The following NDUFS1 variants were observed in gnomAD, a reference collection of about 807,000 sequenced individuals.
NDUFS1 encodes NADH:ubiquinone oxidoreductase core subunit S1, also known as NADH-ubiquinone oxidoreductase 75 kDa subunit, mitochondrial.
A neutral mutation model predicts 84.4 loss-of-function variants in NDUFS1; 61 were observed. The ratio of observed to expected loss-of-function variants is 0.72; its 90% CI spans 0.59 to 0.89. The LOEUF (loss-of-function observed/expected upper bound fraction) is 0.89, where lower values mean the gene tolerates loss of function less well. Among genes scored for constraint, NDUFS1 ranks in the 40% least tolerant of loss-of-function variants. NDUFS1 has a pLI of 0.00. For missense variants in NDUFS1, 891 were observed against 890.0 expected, an observed-to-expected ratio of 1.00 and a Z score of -0.01; for synonymous variants, 275 against 290.0, an observed-to-expected ratio of 0.95 and a Z score of 0.53.
intron 10 of NDUFS1, 57 bp downstream of exon 10, chr2:206,143,961 A>T: frequency 7.1e-7 from 1 of 1,407,678 alleles, no homozygotes; most frequent in Non-Finnish European, 1.0e-6. Context: ...CCTTCATGGC[A>T]AAGATGTTTC....
chr2:206,143,611 T>TCGC (rs1692047358), intron 10 of NDUFS1, among the ~76,000 whole-genome samples: 1 of 151,754 alleles, frequency 6.6e-6, no homozygotes, highest in Non-Finnish European at 1.5e-5. Context: ...AGATGGAGTC[T>TCGC]CGCTGTGTCA....
At chr2:206,141,519 G>A (rs971328331) in intron 12 of NDUFS1, among the ~76,000 whole-genome samples, 45 of 150,728 alleles carry the variant, frequency 3.0e-4, no homozygotes, top group Middle Eastern at 3.4e-3. Flanking sequence ...GCGACAAAGC[G>A]AGACTCTGTC....
chr2:206,137,345 G>A (rs1342017017), intron 13 of NDUFS1, among the ~76,000 whole-genome samples: 2 of 152,036 alleles, frequency 1.3e-5, no homozygotes, highest in Admixed American at 6.6e-5. Flanking sequence ...GTGGTGGTGC[G>A]TGCCTGTAGT....
At chr2:206,156,716 T>C (rs1687669540) in intron 1 of NDUFS1, among the ~76,000 whole-genome samples, 1 of 152,248 alleles carries the variant, frequency 6.6e-6, no homozygotes, top group Admixed American at 6.5e-5. Context: ...ATACTTATCA[T>C]AGATGATGTA....
intron 14 of NDUFS1, among the ~76,000 whole-genome samples, chr2:206,130,843 T>C (rs931335792): frequency 2.0e-5 from 3 of 152,164 alleles, no homozygotes; most frequent in African/African-American, 4.8e-5. Flanking sequence ...CTGATTCTTA[T>C]TCAATAAAGT....
intron 1 of NDUFS1, among the ~76,000 whole-genome samples, chr2:206,156,221 C>T (rs1288812511): frequency 6.7e-6 from 1 of 149,154 alleles, no homozygotes; most frequent in African/African-American, 2.5e-5. Context: ...CAAGATCACG[C>T]CACTGCACTC....
intron 8 of NDUFS1, among the ~76,000 whole-genome samples, chr2:206,146,308 T>A (rs1437306663): frequency 1.3e-5 from 2 of 152,088 alleles, no homozygotes; most frequent in East Asian, 3.8e-4. Flanking sequence ...CAAGTAGAGA[T>A]TCTCAGTAAG....
At position 206,145,045 on chromosome 2, in the gene NDUFS1, G is replaced by A; in HGVS notation, c.738-19C>T. 6.3e-7 allele frequency: 1 copy of A among 1,591,656 alleles called. No homozygotes were observed. Among genetic ancestry groups the A allele is most frequent in the Non-Finnish European group, 8.6e-7 (1 of 1,168,248 alleles). On this transcript the variant is annotated intron_variant, in intron 8 of 18. Coordinates refer to ENST00000233190, the MANE Select transcript of NDUFS1 (RefSeq NM_005006.7). ...TGTCTTTCTGAGAAACACATACGGT[G>A]TTTACTATGGTGCTTTTGGGAATAA... is the stretch of plus-strand genomic sequence containing the variant.
At chr2:206,135,194 T>G (rs1691662394) in intron 13 of NDUFS1, among the ~76,000 whole-genome samples, 1 of 151,880 alleles carries the variant, frequency 6.6e-6, no homozygotes, top group Non-Finnish European at 1.5e-5. Context: ...AATTGGGGTT[T>G]TTTTGTATTT....
chr2:206,133,573 C>T (rs905463161), intron 13 of NDUFS1, among the ~76,000 whole-genome samples: 4 of 152,190 alleles, frequency 2.6e-5, no homozygotes, highest in Non-Finnish European at 5.9e-5. Flanking sequence ...TAAATACCTA[C>T]AATTTTAAGG....
intron 13 of NDUFS1, among the ~76,000 whole-genome samples, chr2:206,136,219 ATTT>A (rs79486494): frequency 7.2e-6 from 1 of 139,010 alleles, no homozygotes. Flanking sequence ...TAATTTTTGT[ATTT>A]TTTTTTTTTT....
rs746500004 is a variant in NDUFS1 at position 206,152,439 on chromosome 2, G to C, written c.133C>G (p.Pro45Ala). 1.9e-6 allele frequency: 3 copies of C among 1,614,064 alleles called. No individual in the cohort carries two copies. In the South Asian group the frequency reaches 3.3e-5, roughly 18 times the overall value. ...CCTACTTGGAGGACGGTCGTTCCCG[G>C]TTCCACCATGACAGACTGACCATCA... ...FVDGQSVMVEPGTTVLQACEK... is the reference protein window; with the variant it reads ...FVDGQSVMVEAGTTVLQACEK... The change falls in exon 3 of 19, where the codon CCG becomes GCG. Residue 45 changes from proline to alanine, a missense_variant. Coordinates refer to ENST00000233190, the MANE Select transcript of NDUFS1 (RefSeq NM_005006.7).
Position 206,127,824 on chromosome 2 carries a change from G to C in NDUFS1, c.1857C>G (p.Asp619Glu), listed in dbSNP as rs1691351176. 6.2e-7 allele frequency: 1 copy of C among 1,613,936 alleles called. No homozygotes were observed. The highest frequency in any genetic ancestry group is 1.3e-5 in the African/African-American group (1 of 74,904). The change falls in exon 16 of 19, where the codon GAC (aspartate) becomes GAG (glutamate). Residue 619 changes from aspartate (D) to glutamate (E), a missense_variant. Coordinates refer to ENST00000233190, the MANE Select transcript of NDUFS1 (RefSeq NM_005006.7). ...CAGAGAGTGCTCTTATAATTTTCCA[G>C]TCTTCTCTTGCCAAGCCAGGAGGTG... ...AVTPPGLARE[D>E]WKIIRALSEI... is the part of the protein sequence containing the mutation.
At chr2:206,138,688 T>C in intron 12 of NDUFS1, 74 bp from the exon 13 acceptor site, 1 of 1,404,646 alleles carries the variant, frequency 7.1e-7, no homozygotes. Flanking sequence ...TCCTAAGTGA[T>C]ACATCTATTT....
In NDUFS1 at chr2:206,123,822, A is replaced by G. The variant is rs1243825081; in HGVS notation, c.*363T>C. 2 of 181,682 alleles carry G rather than the reference A, an allele frequency of 1.1e-5. No individual in the cohort carries two copies. The highest frequency in any genetic ancestry group is 5.8e-5 in the Admixed American group (1 of 17,188). The allele number at this position is 181,682 out of a possible 1,614,324, so 11.3% of individuals were successfully genotyped here. ...AAGGTGCTTAAATCTTTTCTTTAGC[A>G]CTAGAAAAAAGTAGGTTTTAATTGA... On this transcript the variant is annotated 3_prime_UTR_variant, in exon 19 of 19. Transcript: ENST00000233190.
At chr2:206,136,228 T>C (rs1691707226) in intron 13 of NDUFS1, among the ~76,000 whole-genome samples, 1 of 151,406 alleles carries the variant, frequency 6.6e-6, no homozygotes, top group African/African-American at 2.4e-5. Context: ...TATTTTTTTT[T>C]TTTTAAGCAG....
intron 5 of NDUFS1, 82 bp from the exon 6 acceptor site, chr2:206,147,916 AGACTTT>A: frequency 2.3e-6 from 3 of 1,299,488 alleles, no homozygotes; most frequent in Non-Finnish European, 3.3e-6. Context: ...AATGACCTAT[AGACTTT>A]ATTTTTTTTT....
Position 206,147,802 on chromosome 2 carries a change from T to C in NDUFS1, c.371A>G (p.His124Arg). 6.2e-7 allele frequency: 1 copy of C among 1,614,144 alleles called. No individual in the cohort carries two copies. The highest frequency in any genetic ancestry group is 1.1e-5 in the South Asian group (1 of 91,086). ...EGVMEFLLAN[H>R]PLDCPICDQG... ...GTCACAAATAGGACAGTCCAATGGG[T>C]GATTTGCTAATAAGAACTCCATCAC... Residue 124 changes from histidine to arginine, a missense_variant, in exon 6 of 19, where the codon CAC becomes CGC. His to Arg is a conservative substitution (Grantham distance 29, BLOSUM62 0). Transcript: ENST00000233190.
intron 8 of NDUFS1, 52 bp from the exon 9 acceptor site, chr2:206,145,078 T>C: frequency 6.6e-7 from 1 of 1,525,568 alleles, no homozygotes; most frequent in African/African-American, 1.4e-5. Flanking sequence ...TAAAGAAAGT[T>C]TCTGTTACCT....
Sources: allele counts gnomAD v4.1 joint callset (sites outside exome capture counted in the v4.1 genomes callset), GRCh38; gene constraint gnomAD v4.1.1; transcripts MANE v1.5; gene names NCBI Gene and HGNC (gene_info 2026-07-23, HGNC 2026-07-21).